Variants in PEX5L observed in about 807,000 individuals in gnomAD.
PEX5L encodes the protein PEX5-related protein.
In PEX5L, 30 loss-of-function variants were observed where a neutral mutation model predicts 84.0. That is an observed-to-expected ratio of 0.36 (90% confidence interval 0.27 to 0.48). PEX5L has a LOEUF of 0.48. PEX5L is among the 20% of genes least tolerant of loss of function. The probability of loss-of-function intolerance (pLI) is 0.99; values close to 1 mark genes in which losing one functional copy is unlikely to be tolerated. For missense variants in PEX5L, 533 were observed against 754.6 expected (o/e 0.71, Z 3.44); for synonymous variants, 270 against 283.1 (o/e 0.95, Z 0.46).
At chr3:179,950,540 A>T (rs7613963) in intron 2 of PEX5L, among the ~76,000 whole-genome samples, 88,767 of 152,104 alleles carry the variant, frequency 0.58, 26,905 homozygotes, top group African/African-American at 0.75. Context: ...GTAAAAAAAA[A>T]TACCTCTTTC....
chr3:179,937,642 T>C (rs2109743633), intron 2 of PEX5L, among the ~76,000 whole-genome samples: 1 of 152,268 alleles, frequency 6.6e-6, no homozygotes, highest in East Asian at 1.9e-4. Flanking sequence ...ATAGGACACA[T>C]GTAGCCTCAT....
At chr3:179,902,592 ATACGCT>A in intron 2 of PEX5L, 1 of 444,948 alleles carries the variant, frequency 2.2e-6, no homozygotes, top group South Asian at 1.6e-5. Flanking sequence ...TAGTAGGTTT[ATACGCT>A]TTAGCATCTC....
chr3:179,839,831 ATAAT>A lies in PEX5L; in HGVS notation c.822+19227_822+19230del, dbSNP rs201329786. On this transcript the variant is annotated intron_variant, in intron 8 of 14. Transcript: ENST00000467460. ...ACATAGTTATTAGCACTGCAAATAA[ATAAT>A]TGTTAGAATAATTATGGAAGTTCTT... is the stretch of plus-strand genomic sequence containing the variant. Among the ~76,000 whole-genome samples the A allele has an allele frequency of 1.9e-3, 285 of 152,372 alleles. 1 individual carries two copies. The highest frequency in any genetic ancestry group is 6.3e-3 in the African/African-American group (263 of 41,594).
intron 7 of PEX5L, among the ~76,000 whole-genome samples, chr3:179,861,334 G>A (rs1746050885): frequency 6.6e-6 from 1 of 152,244 alleles, no homozygotes; most frequent in East Asian, 1.9e-4. Flanking sequence ...GGAAGTTATA[G>A]GAGACTGAAA....
chr3:179,822,185 C>T (rs1275018447), intron 8 of PEX5L, among the ~76,000 whole-genome samples: 1 of 152,098 alleles, frequency 6.6e-6, no homozygotes, highest in East Asian at 1.9e-4. Context: ...TTGGGTGATA[C>T]GAGAGGCCAA....
intron 2 of PEX5L, among the ~76,000 whole-genome samples, chr3:179,910,880 T>C (rs1008808258): frequency 5.3e-5 from 8 of 152,240 alleles, no homozygotes; most frequent in Non-Finnish European, 1.0e-4. Flanking sequence ...AATCACAGTA[T>C]GGATTCATTT....
At chr3:179,883,074 A>G (rs567449038) in intron 4 of PEX5L, among the ~76,000 whole-genome samples, 8 of 152,300 alleles carry the variant, frequency 5.3e-5, no homozygotes, top group Non-Finnish European at 1.0e-4. Flanking sequence ...TCTAAAAAAA[A>G]GGAGCACAAA....
At chr3:179,900,818 C>G (rs1411307603) in intron 2 of PEX5L, 5 of 845,260 alleles carry the variant, frequency 5.9e-6, no homozygotes, top group South Asian at 1.5e-5. Context: ...TGCGATAATA[C>G]CCCATGAGCG....
intron 8 of PEX5L, among the ~76,000 whole-genome samples, chr3:179,858,025 G>A (rs1176687624): frequency 2.6e-5 from 4 of 152,032 alleles, no homozygotes; most frequent in African/African-American, 9.7e-5. Flanking sequence ...AATTATGGCT[G>A]GAAGTCTTTC....
In PEX5L at chr3:179,796,047, G is replaced by T. The variant is rs928609603; in HGVS notation, c.*5781C>A. 1.3e-5 allele frequency: 2 copies of T among 152,152 alleles called. No individual in the cohort carries two copies. The highest frequency in any genetic ancestry group is 4.8e-5 in the African/African-American group (2 of 41,416). The allele number at this position is 152,152 out of a possible 1,614,324, so 9.4% of individuals were successfully genotyped here. Reference sequence around the variant, plus strand: ...ACATTTCTCACATGGCAGAATTCTTGTATGGTATCCATGCAGAAATGCTAT... The same window carrying T: ...ACATTTCTCACATGGCAGAATTCTTTTATGGTATCCATGCAGAAATGCTAT... On this transcript the variant is annotated 3_prime_UTR_variant, in exon 15 of 15. Transcript: ENST00000467460.
chr3:180,008,756 C>T (rs565788774), intron 1 of PEX5L, among the ~76,000 whole-genome samples: 3 of 152,156 alleles, frequency 2.0e-5, no homozygotes, highest in Non-Finnish European at 2.9e-5. Flanking sequence ...TATTCACTAT[C>T]ATGAGACTAG....
intron 8 of PEX5L, among the ~76,000 whole-genome samples, chr3:179,851,321 T>G (rs1385910343): frequency 6.6e-6 from 1 of 152,174 alleles, no homozygotes; most frequent in Non-Finnish European, 1.5e-5. Context: ...TCATTGAAAC[T>G]GCTTTCTTGC....
chr3:179,864,170 C>T (rs917743331), intron 7 of PEX5L, among the ~76,000 whole-genome samples: 9 of 152,008 alleles, frequency 5.9e-5, no homozygotes, highest in African/African-American at 1.2e-4. Context: ...TTATCAGCAG[C>T]GGGAAAACAG....
intron 1 of PEX5L, among the ~76,000 whole-genome samples, chr3:180,017,741 T>C (rs944927849): frequency 2.8e-5 from 4 of 144,838 alleles, no homozygotes; most frequent in Non-Finnish European, 5.9e-5. Context: ...TAAGAGGGAA[T>C]ATCATAAAGC....
chr3:180,021,471 T>G (rs1195006769), intron 1 of PEX5L, among the ~76,000 whole-genome samples: 1 of 152,150 alleles, frequency 6.6e-6, no homozygotes, highest in Admixed American at 6.5e-5. Context: ...GGAATCTACA[T>G]TTCTAACGAG....
intron 14 of PEX5L, among the ~76,000 whole-genome samples, chr3:179,804,925 T>C (rs1479168830): frequency 1.3e-5 from 2 of 152,014 alleles, no homozygotes; most frequent in African/African-American, 2.4e-5. Flanking sequence ...TTGAGACAAG[T>C]CTGGCCAACC....
At position 179,887,663 on chromosome 3, in the gene PEX5L, A is replaced by G. The variant is rs985353334; in HGVS notation, c.310+10T>C. 6 of 1,515,570 alleles carry G rather than the reference A, an allele frequency of 4.0e-6. No homozygotes were observed. Among genetic ancestry groups the G allele is most frequent in the Admixed American group, 1.7e-5 (1 of 59,712 alleles). The allele number at this position is 1,515,570 out of a possible 1,614,324, so 93.9% of individuals were successfully genotyped here. ...TCTAGTTGAGGAACAGTTAAAAGTG[A>G]GAGAATTACCAGCTGTATTGGATGT... On this transcript the variant is annotated intron_variant, in intron 4 of 14. Coordinates refer to ENST00000467460, the MANE Select transcript of PEX5L (RefSeq NM_016559.3).
Position 179,880,125 on chromosome 3 carries a change from TAC to T in PEX5L, c.311-4_311-3del. ...GGAGATCTAAGCCAGTGGTCAATAC[TAC>T]CAGAAATGGAAGAGGTTAAGATAAG... On this transcript the variant is annotated splice_region_variant and splice_polypyrimidine_tract_variant and intron_variant, in intron 4 of 14. Transcript: ENST00000467460. 1 of 1,583,914 alleles carries T rather than the reference TAC, an allele frequency of 6.3e-7. No individual in the cohort carries two copies. Among genetic ancestry groups the T allele is most frequent in the South Asian group, 1.2e-5 (1 of 86,806 alleles).
chr3:179,979,964 C>A (rs1683430525), intron 1 of PEX5L, among the ~76,000 whole-genome samples: 2 of 152,176 alleles, frequency 1.3e-5, no homozygotes, highest in African/African-American at 4.8e-5. Flanking sequence ...CTTTTAACAA[C>A]TGATCTGGAC....
Sources: gnomAD v4.1 joint callset for allele counts (sites outside exome capture counted in the v4.1 genomes callset) on GRCh38, gnomAD v4.1.1 for gene constraint, MANE v1.5 for transcripts, NCBI Gene and HGNC (gene_info 2026-07-23, HGNC 2026-07-21) for gene names.